The following AXIN1 variants were observed in gnomAD, a reference collection of about 807,000 sequenced individuals.
AXIN1 encodes axin 1.
Under a neutral mutation model 76.4 loss-of-function variants are expected in AXIN1, and 30 were observed. That is an observed-to-expected ratio of 0.39 (90% CI 0.29 to 0.53). AXIN1 has a LOEUF of 0.53. AXIN1 is among the 20% of genes least tolerant of loss of function. AXIN1 has a pLI of 0.66. For missense variants in AXIN1, 1,140 were observed against 1,198.8 expected (o/e 0.95, Z 0.72); for synonymous variants, 545 against 501.4 (o/e 1.09, Z -1.16).
At chr16:343,317 G>A (rs1019517383) in intron 2 of AXIN1, among the ~76,000 whole-genome samples, 5 of 152,240 alleles carry the variant, frequency 3.3e-5, no homozygotes, top group Admixed American at 6.5e-5. Flanking sequence ...GAGTGGCTGG[G>A]AGGGAGGCAC....
chr16:327,644 C>G (rs12597122), intron 2 of AXIN1, among the ~76,000 whole-genome samples: 21,716 of 152,324 alleles, frequency 0.14, 1,787 homozygotes, highest in South Asian at 0.25. Context: ...CCACCCACAC[C>G]TGCCATCCCG....
intron 1 of AXIN1, 25 bp from the exon 2 acceptor site, chr16:347,131 G>T: frequency 6.3e-7 from 1 of 1,592,960 alleles, no homozygotes; most frequent in East Asian, 2.2e-5. Flanking sequence ...AAGAGGACAA[G>T]GATTAGGAAA....
rs2141459256 is a variant in AXIN1 at position 288,163 on chromosome 16, A to T, written c.2548T>A (p.Phe850Ile). Residue 850 changes from phenylalanine to isoleucine, a missense_variant, in exon 11 of 11, where the codon TTT (phenylalanine) becomes ATT (isoleucine). Physicochemically the swap from Phe to Ile is conservative, Grantham distance 21. Coordinates refer to ENST00000262320, the MANE Select transcript of AXIN1 (RefSeq NM_003502.4). ...VREDEAVLPV[F>I]EEKIIGKVEK... ...ACTTTGCCGATGATCTTCTCCTCAAAGACGGGCAGGACGGCCTCGTCCTCT... is the reference window on the plus strand; with the variant it reads ...ACTTTGCCGATGATCTTCTCCTCAATGACGGGCAGGACGGCCTCGTCCTCT... 6.2e-7 allele frequency: 1 copy of T among 1,613,644 alleles called. No individual in the cohort carries two copies. The highest frequency in any genetic ancestry group is 8.5e-7 in the Non-Finnish European group (1 of 1,180,012).
chr16:334,321 T>C (rs1252984937), intron 2 of AXIN1, among the ~76,000 whole-genome samples: 1 of 128,872 alleles, frequency 7.8e-6, no homozygotes, highest in African/African-American at 3.1e-5. Flanking sequence ...CCCAGTACCA[T>C]GGCACGCTAA....
At chr16:327,950 A>G (rs577824751) in intron 2 of AXIN1, among the ~76,000 whole-genome samples, 2 of 152,354 alleles carry the variant, frequency 1.3e-5, no homozygotes, top group East Asian at 3.9e-4. Flanking sequence ...GTGAGACTCT[A>G]AACAAATGCT....
At chr16:341,236 G>A (rs1487531627) in intron 2 of AXIN1, among the ~76,000 whole-genome samples, 1 of 152,270 alleles carries the variant, frequency 6.6e-6, no homozygotes, top group Non-Finnish European at 1.5e-5. Context: ...GGCCGGAGCC[G>A]GCTCCCTCAG....
rs75318677 is a variant in AXIN1 at position 338,928 on chromosome 16, A to G, written c.878+7220T>C. ...ACAAGAGCGAAACTCCATCTTGGGG[A>G]AAAAAAAAAAAAGTGGGATGCAAGC... is the stretch of plus-strand genomic sequence containing the variant. On this transcript the variant is annotated intron_variant, in intron 2 of 10. Transcript: ENST00000262320. 4.7e-3 allele frequency among the ~76,000 whole-genome samples: 656 copies of G among 138,908 alleles called. 3 individuals carry two copies. The highest frequency in any genetic ancestry group is 0.014 in the African/African-American group (560 of 38,958). The allele number at this position is 138,908 out of a possible 152,430, so 91.1% of individuals were successfully genotyped here.
rs537450095 is a variant in AXIN1 at position 314,814 on chromosome 16, G to A, written c.879-131C>T. 823 of 1,393,608 alleles carry A rather than the reference G, an allele frequency of 5.9e-4. 3 individuals are homozygous for A. The Middle Eastern group carries it at 7.5e-3, about 13-fold the overall frequency. The allele number at this position is 1,393,608 out of a possible 1,614,324, so 86.3% of individuals were successfully genotyped here. A position where few individuals can be genotyped will look rare whatever the true frequency, so the allele number is the denominator to read the frequency against. On this transcript the variant is annotated intron_variant, in intron 2 of 10. Coordinates refer to ENST00000262320, the MANE Select transcript of AXIN1 (RefSeq NM_003502.4). ...ACAAGCAATTTGGAGAAAATAAGGA[G>A]CATGGAGAAAAGACCAACATCTCCA... is the stretch of plus-strand genomic sequence containing the variant.
At chr16:314,356 G>T (rs1261605801) in intron 3 of AXIN1, among the ~76,000 whole-genome samples, 187 bp downstream of exon 3, 1 of 152,204 alleles carries the variant, frequency 6.6e-6, no homozygotes, top group East Asian at 1.9e-4. Context: ...GCATCTCTGG[G>T]TCAGCACGAA....
intron 2 of AXIN1, among the ~76,000 whole-genome samples, chr16:327,376 A>T (rs1273382032): frequency 6.6e-6 from 1 of 152,194 alleles, no homozygotes; most frequent in East Asian, 1.9e-4. Context: ...CAAAAGGGCA[A>T]GAGAATGAGT....
chr16:308,491 G>A lies in AXIN1; in HGVS notation c.1116+1482C>T, dbSNP rs538970493. Among the ~76,000 whole-genome samples the A allele has an allele frequency of 4.6e-5, 7 of 152,318 alleles. No homozygotes were observed. The East Asian group carries it at 9.6e-4, about 21-fold the overall frequency. On this transcript the variant is annotated intron_variant, in intron 4 of 10. Transcript: ENST00000262320. ...ACCCCTGTGGACAGAAGCCTCCCGC[G>A]GGCCTCAGCCCACTCAAGCCCCGTC...
intron 5 of AXIN1, chr16:298,977 C>T (rs970962303): frequency 1.6e-5 from 10 of 637,296 alleles, no homozygotes; most frequent in Admixed American, 6.3e-5. Context: ...CTATGTTGGC[C>T]AGGCTGGTCT....
At chr16:299,293 A>G (rs214246) in intron 5 of AXIN1, 477,242 of 951,116 alleles carry the variant, frequency 0.5, 124,186 homozygotes, top group African/African-American at 0.85. Flanking sequence ...CTAAAACAGT[A>G]TTGAGTAAAT....
rs998058418 is a variant in AXIN1, at chr16:299,068, C to G, written c.1255-817G>C. Reference sequence around the variant, plus strand: ...AGGCATGAGCCGCCGCGCCCGGCCTCCCATTATATTTTAAGGAGAACCTTG... The same window carrying G: ...AGGCATGAGCCGCCGCGCCCGGCCTGCCATTATATTTTAAGGAGAACCTTG... On this transcript the variant is annotated intron_variant, in intron 5 of 10. Coordinates refer to ENST00000262320, the MANE Select transcript of AXIN1 (RefSeq NM_003502.4). 26 of 985,166 alleles carry G rather than the reference C, an allele frequency of 2.6e-5. No homozygotes were observed. The African/African-American group carries it at 4.4e-4, about 17-fold the overall frequency. 61.0% of individuals were successfully genotyped at this position (985,166 alleles called of 1,614,324 possible). A position where few individuals can be genotyped will look rare whatever the true frequency, so the allele number is the denominator to read the frequency against.
intron 2 of AXIN1, among the ~76,000 whole-genome samples, chr16:324,356 G>A (rs1444236565): frequency 6.6e-6 from 1 of 152,234 alleles, no homozygotes; most frequent in African/African-American, 2.4e-5. Flanking sequence ...CGGAATGCGG[G>A]TGCATAGAAA....
At chr16:294,890 A>G (rs1329216886) in intron 7 of AXIN1, among the ~76,000 whole-genome samples, 1 of 150,156 alleles carries the variant, frequency 6.7e-6, no homozygotes, top group Non-Finnish European at 1.5e-5. Flanking sequence ...GTGAAACCCC[A>G]CCTCTACTAA....
chr16:347,722 G>A (rs912144927), intron 1 of AXIN1, among the ~76,000 whole-genome samples: 3 of 152,116 alleles, frequency 2.0e-5, no homozygotes, highest in South Asian at 4.1e-4. Context: ...GTGTTCCTCC[G>A]ACTCTCAACA....
chr16:329,688 G>A (rs1408867621), intron 2 of AXIN1, among the ~76,000 whole-genome samples: 4 of 150,716 alleles, frequency 2.7e-5, no homozygotes, highest in Admixed American at 6.6e-5. Flanking sequence ...CAGTGGCGCA[G>A]TCTTGGCTCA....
intron 4 of AXIN1, among the ~76,000 whole-genome samples, chr16:309,160 C>T (rs184934756): frequency 4.6e-5 from 7 of 152,172 alleles, no homozygotes; most frequent in Admixed American, 4.6e-4. Flanking sequence ...GAAACCCCAT[C>T]TCTACTAAAA....
Sources: gnomAD v4.1 joint callset for allele counts (sites outside exome capture counted in the v4.1 genomes callset) on GRCh38, gnomAD v4.1.1 for gene constraint, MANE v1.5 for transcripts, NCBI Gene and HGNC (gene_info 2026-07-23, HGNC 2026-07-21) for gene names.